ROR1: variants seen among roughly 807,000 people sequenced by gnomAD.
ROR1 encodes the protein ROR family WNT receptor 1, also known as inactive tyrosine-protein kinase transmembrane receptor ROR1.
In ROR1, 19 loss-of-function variants were observed where a neutral mutation model predicts 78.8. The observed-to-expected ratio is 0.24, with a 90% CI of 0.17 to 0.35. The LOEUF is 0.35. Among genes scored for constraint, ROR1 ranks in the 10% least tolerant of loss-of-function variants. ROR1 has a pLI of 1.00. For missense variants in ROR1, 917 were observed against 1,177.8 expected (o/e 0.78, Z 3.24); for synonymous variants, 386 against 433.6 (o/e 0.89, Z 1.36).
chr1:63,960,672 G>C (rs1364832717), intron 1 of ROR1, among the ~76,000 whole-genome samples: 1 of 152,132 alleles, frequency 6.6e-6, no homozygotes, highest in Non-Finnish European at 1.5e-5. Flanking sequence ...CTCCTTAAAA[G>C]GGTCCTGTGT....
intron 1 of ROR1, among the ~76,000 whole-genome samples, chr1:63,900,010 T>C (rs556886779): frequency 2.6e-5 from 4 of 152,144 alleles, no homozygotes; most frequent in African/African-American, 7.2e-5. Context: ...CCAGTTACTA[T>C]GGAGGGATTT....
intron 1 of ROR1, among the ~76,000 whole-genome samples, chr1:63,989,162 G>GTTTTTTTTTTTTTTTTTTTTTTTTTTTTT (rs1287163623): frequency 8.5e-6 from 1 of 117,398 alleles, no homozygotes; most frequent in African/African-American, 2.9e-5. Context: ...GTCATTTTCT[G>GTTTTTTTTTTTTTTTTTTTTTTTTTTTTT]TTTTTGTTTT....
rs147878288 is a variant in ROR1 at position 64,142,521 on chromosome 1, G to A, written c.1045G>A (p.Ala349Thr). 1.1e-4 allele frequency: 183 copies of A among 1,614,086 alleles called. No individual in the cohort carries two copies. Among genetic ancestry groups the A allele is most frequent in the Middle Eastern group, 1.6e-4 (1 of 6,062 alleles). ...SQYPHTHTFT[A>T]LRFPELNGGH... ...GTATCCCCACACACACACTTTCACC[G>A]CCCTTCGTTTCCCAGAGCTGAATGG... Residue 349 changes from alanine to threonine, a missense_variant, in exon 7 of 9, where the codon GCC (alanine) becomes ACC (threonine). Transcript: ENST00000371079.
intron 4 of ROR1, among the ~76,000 whole-genome samples, chr1:64,074,608 A>G (rs1460655999): frequency 1.3e-5 from 2 of 152,252 alleles, no homozygotes; most frequent in African/African-American, 2.4e-5. Context: ...GGAAAATGCC[A>G]GAGGACTTGG....
chr1:63,797,856 T>C (rs1644770585), intron 1 of ROR1, among the ~76,000 whole-genome samples: 1 of 131,204 alleles, frequency 7.6e-6, no homozygotes, highest in African/African-American at 3.8e-5. Flanking sequence ...TGTAGTCTTG[T>C]CTTTTTTTTT....
At chr1:63,839,867 T>C (rs930945066) in intron 1 of ROR1, among the ~76,000 whole-genome samples, 1 of 152,194 alleles carries the variant, frequency 6.6e-6, no homozygotes, top group African/African-American at 2.4e-5. Context: ...TTCATCATTA[T>C]TTTCTTTGAA....
At chr1:63,814,320 T>C (rs902741808) in intron 1 of ROR1, among the ~76,000 whole-genome samples, 3 of 152,166 alleles carry the variant, frequency 2.0e-5, no homozygotes, top group Non-Finnish European at 4.4e-5. Context: ...TTGTTGCATA[T>C]CATTTCAGGC....
intron 2 of ROR1, among the ~76,000 whole-genome samples, chr1:64,030,561 C>T (rs915256503): frequency 6.6e-6 from 1 of 152,162 alleles, no homozygotes; most frequent in African/African-American, 2.4e-5. Flanking sequence ...TCACTCATTC[C>T]TTCATGGAGA....
Position 63,996,448 on chromosome 1 carries a change from C to G in ROR1, c.92-12857C>G, listed in dbSNP as rs149472745. The stretch of plus-strand genomic sequence containing the variant: ...GAAACATTTTAAACTGGTGCAATTT[C>G]AGGTGAATTAAGTATTTGAACATTG... On this transcript the variant is annotated intron_variant, in intron 1 of 8. Coordinates refer to ENST00000371079, the MANE Select transcript of ROR1 (RefSeq NM_005012.4). Among the ~76,000 whole-genome samples the G allele has an allele frequency of 3.7e-3, 559 of 152,276 alleles. 4 individuals carry two copies. Among genetic ancestry groups the G allele is most frequent in the Admixed American group, 6.5e-3 (100 of 15,288 alleles).
chr1:63,853,844 C>T (rs1369388557), intron 1 of ROR1, among the ~76,000 whole-genome samples: 2 of 152,108 alleles, frequency 1.3e-5, no homozygotes, highest in African/African-American at 4.8e-5. Flanking sequence ...ATATACCTCT[C>T]CTGTATTAGC....
At chr1:63,806,475 G>A (rs150102734) in intron 1 of ROR1, among the ~76,000 whole-genome samples, 2,437 of 152,088 alleles carry the variant, frequency 0.016, 114 homozygotes, top group Admixed American at 0.1. Context: ...CCGCCACCAC[G>A]CCCTGCTAAT....
chr1:64,114,932 A>T (rs1648256781), intron 4 of ROR1, among the ~76,000 whole-genome samples: 1 of 152,148 alleles, frequency 6.6e-6, no homozygotes, highest in African/African-American at 2.4e-5. Flanking sequence ...AATTTTGGTT[A>T]AGTAGAGGTA....
chr1:63,925,466 A>G (rs1020195989), intron 1 of ROR1, among the ~76,000 whole-genome samples: 6 of 152,144 alleles, frequency 3.9e-5, no homozygotes, highest in Non-Finnish European at 8.8e-5. Context: ...TAATGCCGCA[A>G]TAAACATACG....
chr1:63,819,633 G>A (rs907632686), intron 1 of ROR1, among the ~76,000 whole-genome samples: 1 of 152,152 alleles, frequency 6.6e-6, no homozygotes, highest in Non-Finnish European at 1.5e-5. Context: ...CTAGAGAAAG[G>A]CAGTAGAGAG....
intron 1 of ROR1, among the ~76,000 whole-genome samples, chr1:63,879,627 C>T (rs1645310284): frequency 6.6e-6 from 1 of 152,050 alleles, no homozygotes; most frequent in Non-Finnish European, 1.5e-5. Flanking sequence ...ATAATGCATA[C>T]CAATAAATAA....
rs577860557 is a variant in ROR1, at chr1:63,982,764, GTAA to G, written c.92-26531_92-26529del. 2.0e-4 allele frequency among the ~76,000 whole-genome samples: 30 copies of G among 152,200 alleles called. No homozygotes were observed. In the South Asian group the frequency reaches 6.0e-3, roughly 30 times the overall value. ...AATCCCTTTGGTACTAAAGGGAGCG[GTAA>G]TAATAATAACAGAAAATAATAGCAG... On this transcript the variant is annotated intron_variant, in intron 1 of 8. Coordinates refer to ENST00000371079, the MANE Select transcript of ROR1 (RefSeq NM_005012.4).
chr1:64,023,209 T>C (rs895333206), intron 2 of ROR1, among the ~76,000 whole-genome samples: 3 of 152,176 alleles, frequency 2.0e-5, no homozygotes, highest in Non-Finnish European at 4.4e-5. Flanking sequence ...AGAAGGATGC[T>C]AGCATCCTGC....
At chr1:63,835,895 T>C (rs1557519533) in intron 1 of ROR1, among the ~76,000 whole-genome samples, 1 of 152,218 alleles carries the variant, frequency 6.6e-6, no homozygotes, top group Non-Finnish European at 1.5e-5. Flanking sequence ...GAGTGGTTAA[T>C]ACGTCACACA....
intron 8 of ROR1, among the ~76,000 whole-genome samples, chr1:64,170,569 GT>G (rs764072772): frequency 6.6e-6 from 1 of 152,146 alleles, no homozygotes; most frequent in Non-Finnish European, 1.5e-5. Flanking sequence ...CATTATCTTG[GT>G]GATTAACATT....
Sources: allele counts gnomAD v4.1 joint callset (sites outside exome capture counted in the v4.1 genomes callset), GRCh38; gene constraint gnomAD v4.1.1; transcripts MANE v1.5; gene names NCBI Gene and HGNC (gene_info 2026-07-23, HGNC 2026-07-21).